Variants in DYNLL1 observed in about 807,000 individuals in gnomAD.
DYNLL1 encodes the protein dynein light chain 1, cytoplasmic.
A neutral mutation model predicts 10.1 loss-of-function variants in DYNLL1; 3 were observed. That is an observed-to-expected ratio of 0.30 (90% confidence interval 0.14 to 0.77). The LOEUF is 0.77. Among genes scored for constraint, DYNLL1 ranks in the 30% least tolerant of loss-of-function variants. DYNLL1 has a pLI of 0.66. For missense variants in DYNLL1, 47 were observed against 111.7 expected, an observed-to-expected ratio of 0.42 and a Z score of 2.61; for synonymous variants, 46 against 41.2, an observed-to-expected ratio of 1.12 and a Z score of -0.45.
upstream of DYNLL1, among the ~76,000 whole-genome samples, chr12:120,493,494 G>C (rs1207317309): frequency 6.6e-6 from 1 of 151,828 alleles, no homozygotes; most frequent in Non-Finnish European, 1.5e-5. Context: ...CTGGGCGACA[G>C]AGTGAGACTC....
chr12:120,489,797 GA>G (rs1410671966), intron 1 of DYNLL1, among the ~76,000 whole-genome samples: 1 of 152,118 alleles, frequency 6.6e-6, no homozygotes, highest in Non-Finnish European at 1.5e-5. Context: ...ACCCAGACTG[GA>G]GTGCAGTGGC....
chr12:120,487,403 T>G (rs1276706527), intron 1 of DYNLL1, among the ~76,000 whole-genome samples: 1 of 145,408 alleles, frequency 6.9e-6, no homozygotes, highest in Non-Finnish European at 1.5e-5. Context: ...TTCACACCAT[T>G]CTCCTGCCTC....
In DYNLL1 at chr12:120,496,899, C is replaced by A. The variant is rs1188869343; in HGVS notation, c.132+346C>A. The A allele has an allele frequency of 1.7e-5, 8 of 472,342 alleles. No individual in the cohort carries two copies. In the East Asian group the frequency reaches 1.8e-4, roughly 11 times the overall value. 29.3% of individuals were successfully genotyped at this position (472,342 alleles called of 1,614,324 possible). ...GGAGGGGGGAGCTGCGTGGGTGTTT[C>A]CAGCCGGGCCGGGAGGAGATCTTGC... On this transcript the variant is annotated intron_variant, in intron 2 of 2. Coordinates refer to ENST00000242577, the MANE Select transcript of DYNLL1 (RefSeq NM_003746.3).
intron 1 of DYNLL1, among the ~76,000 whole-genome samples, chr12:120,483,164 C>T (rs1472229154): frequency 6.6e-6 from 1 of 151,600 alleles, no homozygotes; most frequent in Non-Finnish European, 1.5e-5. Context: ...GTGGTGAAAC[C>T]CCGTCTCTAC....
chr12:120,477,956 T>A (rs1485722013), intron 1 of DYNLL1, among the ~76,000 whole-genome samples: 1 of 149,912 alleles, frequency 6.7e-6, no homozygotes, highest in African/African-American at 2.5e-5. Flanking sequence ...CCTGGCTAAT[T>A]TTTTTTTGTA....
At chr12:120,478,503 C>T (rs531557353) in intron 1 of DYNLL1, among the ~76,000 whole-genome samples, 251 of 151,378 alleles carry the variant, frequency 1.7e-3, no homozygotes, top group African/African-American at 5.7e-3. Flanking sequence ...GCCTCAGCCT[C>T]CCAAAGTGCT....
chr12:120,473,793 G>A (rs554866379), intron 1 of DYNLL1, among the ~76,000 whole-genome samples: 12 of 151,492 alleles, frequency 7.9e-5, no homozygotes, highest in Non-Finnish European at 1.0e-4. Context: ...CAAGTGATCC[G>A]CCCATCTCGG....
intron 1 of DYNLL1, among the ~76,000 whole-genome samples, chr12:120,471,666 A>G (rs1878654180): frequency 1.3e-5 from 2 of 152,026 alleles, no homozygotes; most frequent in Admixed American, 6.5e-5. Flanking sequence ...GCTGCAGTGC[A>G]GTGGCGTGAT....
At chr12:120,476,813 T>C (rs1878763264) in intron 1 of DYNLL1, among the ~76,000 whole-genome samples, 1 of 152,188 alleles carries the variant, frequency 6.6e-6, no homozygotes, top group African/African-American at 2.4e-5. Context: ...GATTTCTCCA[T>C]GTTGGTCAGG....
Position 120,496,161 on chromosome 12 carries a change from C to T in DYNLL1, c.-62C>T. On this transcript the variant is annotated 5_prime_UTR_variant, in exon 1 of 3. Coordinates refer to ENST00000242577, the MANE Select transcript of DYNLL1 (RefSeq NM_003746.3). ...GACGGTATCTCTAGCCGGGCCTGAGCTGTGCTAGCACCTCCCCCAGGAGAC... is the reference window on the plus strand; with the variant it reads ...GACGGTATCTCTAGCCGGGCCTGAGTTGTGCTAGCACCTCCCCCAGGAGAC... 1.7e-6 allele frequency: 1 copy of T among 584,402 alleles called. No individual in the cohort carries two copies. Among genetic ancestry groups the T allele is most frequent in the East Asian group, 3.0e-5 (1 of 33,856 alleles). 36.2% of individuals were successfully genotyped at this position (584,402 alleles called of 1,614,324 possible). A position where few individuals can be genotyped will look rare whatever the true frequency, so the allele number is the denominator to read the frequency against.
chr12:120,496,421 C>T lies in DYNLL1; in HGVS notation c.-1C>T, dbSNP rs765654199. ...CCCCAGGCCTTGCCCACTAGGTAAC[C>T]ATGTGCGACCGAAAGGCCGTGATCA... On this transcript the variant is annotated 5_prime_UTR_variant, in exon 2 of 3. Transcript: ENST00000242577. 6.2e-7 allele frequency: 1 copy of T among 1,614,120 alleles called. No individual in the cohort carries two copies. The highest frequency in any genetic ancestry group is 8.5e-7 in the Non-Finnish European group (1 of 1,180,026).
chr12:120,483,226 T>A (rs1878923908), intron 1 of DYNLL1, among the ~76,000 whole-genome samples: 1 of 149,114 alleles, frequency 6.7e-6, no homozygotes, highest in South Asian at 2.1e-4. Flanking sequence ...TAACCCCAGC[T>A]ACAAGGGAGG....
intron 1 of DYNLL1, among the ~76,000 whole-genome samples, chr12:120,478,093 A>G (rs1198753401): frequency 1.4e-5 from 2 of 139,194 alleles, no homozygotes; most frequent in Admixed American, 7.1e-5. Flanking sequence ...CACCCGGCCA[A>G]AAGTTTTTTT....
At chr12:120,478,441 T>C (rs771129151) in intron 1 of DYNLL1, among the ~76,000 whole-genome samples, 7 of 148,440 alleles carry the variant, frequency 4.7e-5, no homozygotes, top group Admixed American at 6.7e-5. Flanking sequence ...AGACAGGGTC[T>C]CACTATATTA....
intron 1 of DYNLL1, among the ~76,000 whole-genome samples, chr12:120,478,908 C>G (rs1176260195): frequency 6.7e-6 from 1 of 148,958 alleles, no homozygotes; most frequent in African/African-American, 2.5e-5. Context: ...TGGTCTTGAA[C>G]TCCTGACCTC....
upstream of DYNLL1, among the ~76,000 whole-genome samples, chr12:120,495,591 G>C (rs1471716341): frequency 6.6e-6 from 1 of 151,178 alleles, no homozygotes; most frequent in Non-Finnish European, 1.5e-5. Context: ...GTTTACCCAC[G>C]AAGCCGGCCC....
intron 1 of DYNLL1, among the ~76,000 whole-genome samples, chr12:120,478,019 T>C (rs959137648): frequency 6.6e-6 from 1 of 151,946 alleles, no homozygotes; most frequent in East Asian, 1.9e-4. Flanking sequence ...TTCAAACTCT[T>C]AGCCTCAGGT....
intron 1 of DYNLL1, among the ~76,000 whole-genome samples, chr12:120,472,155 A>G (rs750629514): frequency 6.6e-6 from 1 of 151,600 alleles, no homozygotes; most frequent in Non-Finnish European, 1.5e-5. Flanking sequence ...ATACACATAT[A>G]TAGTGTATTT....
Position 120,473,802 on chromosome 12 carries a change from G to A in DYNLL1, c.-7+3698G>A, listed in dbSNP as rs1025725671. On this transcript the variant is annotated intron_variant, in intron 1 of 2. Coordinates refer to the DYNLL1 transcript ENST00000392509. ...TGAGCTCAAGTGATCCGCCCATCTC[G>A]GCCTCCCAAAGTGCTGGGATTACAG... Among the ~76,000 whole-genome samples the A allele has an allele frequency of 7.2e-5, 11 of 151,832 alleles. 1 individual carries two copies. Among genetic ancestry groups the A allele is most frequent in the Admixed American group, 5.3e-4 (8 of 15,234 alleles).
Sources: allele counts gnomAD v4.1 joint callset (sites outside exome capture counted in the v4.1 genomes callset), GRCh38; gene constraint gnomAD v4.1.1; transcripts MANE v1.5; gene names NCBI Gene and HGNC (gene_info 2026-07-23, HGNC 2026-07-21).